Variants in ARHGAP32 observed in about 807,000 individuals in gnomAD.
The protein encoded by ARHGAP32 is Rho GTPase activating protein 32, also known as rho GTPase-activating protein 32.
In ARHGAP32, 51 loss-of-function variants were observed where a neutral mutation model predicts 186.5. The ratio of observed to expected loss-of-function variants is 0.27; its 90% CI spans 0.22 to 0.35. The LOEUF (loss-of-function observed/expected upper bound fraction) is 0.35, where lower values mean the gene tolerates loss of function less well. Ranked by LOEUF, ARHGAP32 falls within the 10% of genes least tolerant of loss-of-function variation. The pLI is 1.00. For synonymous variants in ARHGAP32, 950 were observed against 964.3 expected (o/e 0.99, Z 0.27); for missense variants, 2,186 against 2,623.5 (o/e 0.83, Z 3.64).
intron 2 of ARHGAP32, among the ~76,000 whole-genome samples, chr11:129,151,279 A>C (rs1223267055): frequency 6.6e-6 from 1 of 152,198 alleles, no homozygotes; most frequent in Non-Finnish European, 1.5e-5. Context: ...ACACAATAAT[A>C]GTGGGGAAAT....
chr11:129,108,030 A>G (rs1198114935), intron 5 of ARHGAP32, among the ~76,000 whole-genome samples: 1 of 152,178 alleles, frequency 6.6e-6, no homozygotes, highest in Non-Finnish European at 1.5e-5. Context: ...AAAAATGAGA[A>G]GAGAATCAAA....
At chr11:129,049,569 A>C (rs546000778) in intron 10 of ARHGAP32, among the ~76,000 whole-genome samples, 1 of 152,162 alleles carries the variant, frequency 6.6e-6, no homozygotes, top group South Asian at 2.1e-4. Context: ...GCAATTACTC[A>C]TCTACTTTTT....
chr11:129,271,150 TTTAACA>T (rs373892062), intron 1 of ARHGAP32, among the ~76,000 whole-genome samples: 16 of 152,208 alleles, frequency 1.1e-4, no homozygotes, highest in African/African-American at 3.6e-4. Context: ...CTGATTAACG[TTTAACA>T]TTATTTTGGC....
At chr11:129,033,982 C>G (rs1314382401) in intron 11 of ARHGAP32, among the ~76,000 whole-genome samples, 1 of 152,186 alleles carries the variant, frequency 6.6e-6, no homozygotes, top group African/African-American at 2.4e-5. Context: ...GTGAAGCTTT[C>G]ACAATATATC....
chr11:129,063,203 ATATGCTAACATCATCATT>A (rs147621402), intron 9 of ARHGAP32, among the ~76,000 whole-genome samples: 18,390 of 152,174 alleles, frequency 0.12, 1,297 homozygotes, highest in Non-Finnish European at 0.15. Flanking sequence ...GTAAAGCCAT[ATATGCTAACATCATCATT>A]CCAAGACCTA....
At chr11:129,277,915 CAGTT>C (rs1169167343) in intron 1 of ARHGAP32, among the ~76,000 whole-genome samples, 3 of 152,214 alleles carry the variant, frequency 2.0e-5, no homozygotes, top group East Asian at 1.9e-4. Flanking sequence ...TATCGATTCT[CAGTT>C]AGACTTCAAT....
At chr11:128,985,955 G>T in intron 15 of ARHGAP32, 48 bp downstream of exon 15, 1 of 1,447,620 alleles carries the variant, frequency 6.9e-7, no homozygotes, top group Non-Finnish European at 9.3e-7. Context: ...AACGTTTACA[G>T]GTCAACCGAC....
Position 129,192,235 on chromosome 11 carries a change from G to T in ARHGAP32, c.-37C>A. On this transcript the variant is annotated 5_prime_UTR_variant, in exon 1 of 23. The change creates a premature stop within an existing upstream ORF in the 5' untranslated region. Coordinates refer to ENST00000682385, the MANE Select transcript of ARHGAP32 (RefSeq NM_001378024.1). ...AAAACAAAAAAAACTAAACCTCCAG[G>T]CATGGAATAAAAAGCACCAACATTC... 1 of 1,467,930 alleles carries T rather than the reference G, an allele frequency of 6.8e-7. No individual in the cohort carries two copies. Among genetic ancestry groups the T allele is most frequent in the Non-Finnish European group, 9.5e-7 (1 of 1,050,666 alleles). 90.9% of individuals were successfully genotyped at this position (1,467,930 alleles called of 1,614,324 possible).
At chr11:129,145,668 A>T (rs1259676120) in intron 2 of ARHGAP32, among the ~76,000 whole-genome samples, 1 of 152,182 alleles carries the variant, frequency 6.6e-6, no homozygotes, top group Non-Finnish European at 1.5e-5. Context: ...CAATAGTCAC[A>T]TGCTTAAGCA....
At chr11:129,126,878 T>A (rs556027) in intron 2 of ARHGAP32, among the ~76,000 whole-genome samples, 107,111 of 152,056 alleles carry the variant, frequency 0.7, 38,030 homozygotes, top group South Asian at 0.83. Context: ...TACTCTTTCA[T>A]CTTTTATGAT....
intron 1 of ARHGAP32, among the ~76,000 whole-genome samples, chr11:129,187,550 G>A (rs986324547): frequency 1.1e-4 from 17 of 151,272 alleles, no homozygotes; most frequent in Admixed American, 3.3e-4. Context: ...TAAAACAAAG[G>A]GTAAATGCTT....
rs78781148 is a variant in ARHGAP32, at chr11:129,003,970, G to T, written c.1046-5502C>A. The stretch of plus-strand genomic sequence containing the variant: ...ATTCTTTAAAATACATTGCTAGGGT[G>T]TTTTTCTTGTTTCTCATGTAGGTAC... On this transcript the variant is annotated intron_variant, in intron 11 of 22. Coordinates refer to ENST00000682385, the MANE Select transcript of ARHGAP32 (RefSeq NM_001378024.1). Among the ~76,000 whole-genome samples the T allele has an allele frequency of 7.4e-4, 112 of 151,838 alleles. 3 individuals carry two copies. The East Asian group carries it at 0.02, about 28-fold the overall frequency.
chr11:129,023,296 C>G (rs1169588093), intron 11 of ARHGAP32, among the ~76,000 whole-genome samples: 1 of 152,112 alleles, frequency 6.6e-6, no homozygotes, highest in Admixed American at 6.5e-5. Flanking sequence ...CTTACCAATG[C>G]CAATACCAAA....
chr11:128,988,704 T>C (rs1945950095), intron 12 of ARHGAP32, among the ~76,000 whole-genome samples: 1 of 152,218 alleles, frequency 6.6e-6, no homozygotes, highest in Non-Finnish European at 1.5e-5. Flanking sequence ...AGATGGAATC[T>C]TGTAATTTCC....
At chr11:128,986,226 G>A in intron 14 of ARHGAP32, 141 bp from the exon 15 acceptor site, 3 of 721,200 alleles carry the variant, frequency 4.2e-6, no homozygotes, top group Non-Finnish European at 7.0e-6. Context: ...ATTGTATTCA[G>A]GAAGTAAACT....
chr11:129,162,671 A>G (rs1943554378), intron 2 of ARHGAP32, among the ~76,000 whole-genome samples: 1 of 152,216 alleles, frequency 6.6e-6, no homozygotes, highest in Non-Finnish European at 1.5e-5. Flanking sequence ...TTTGACATTT[A>G]TTACGGAACA....
At chr11:129,018,465 A>T (rs1938454459) in intron 11 of ARHGAP32, among the ~76,000 whole-genome samples, 1 of 152,236 alleles carries the variant, frequency 6.6e-6, no homozygotes, top group African/African-American at 2.4e-5. Context: ...CTGTGTACTT[A>T]GTATTTTCAA....
chr11:129,109,051 A>C (rs1942129633), intron 5 of ARHGAP32, among the ~76,000 whole-genome samples: 1 of 152,098 alleles, frequency 6.6e-6, no homozygotes, highest in African/African-American at 2.4e-5. Context: ...CCCATTAATC[A>C]AACTTCTTCA....
chr11:129,107,976 T>C (rs1303993194), intron 5 of ARHGAP32, among the ~76,000 whole-genome samples: 1 of 151,628 alleles, frequency 6.6e-6, no homozygotes, highest in Non-Finnish European at 1.5e-5. Context: ...ATGTAATCAC[T>C]GTGGTAACCA....
Sources: allele counts gnomAD v4.1 joint callset (sites outside exome capture counted in the v4.1 genomes callset), GRCh38; gene constraint gnomAD v4.1.1; transcripts MANE v1.5; gene names NCBI Gene and HGNC (gene_info 2026-07-23, HGNC 2026-07-21).